The following PPP1R12B variants were observed in gnomAD, a reference collection of about 807,000 sequenced individuals.
PPP1R12B encodes the protein myosin phosphatase target subunit 2.
A neutral mutation model predicts 126.1 loss-of-function variants in PPP1R12B; 76 were observed. That is an observed-to-expected ratio of 0.60 (90% confidence interval 0.50 to 0.73). The LOEUF (loss-of-function observed/expected upper bound fraction) is 0.73. Among genes scored for constraint, PPP1R12B ranks in the 30% least tolerant of loss-of-function variants. PPP1R12B has a pLI of 0.00. For missense variants in PPP1R12B, 1,052 were observed against 1,205.1 expected (o/e 0.87, Z 1.88); for synonymous variants, 356 against 434.7 (o/e 0.82, Z 2.25).
At chr1:202,402,182 C>T (rs910507103) in intron 1 of PPP1R12B, among the ~76,000 whole-genome samples, 5 of 152,164 alleles carry the variant, frequency 3.3e-5, no homozygotes, top group Non-Finnish European at 4.4e-5. Context: ...TTTACCTGTC[C>T]ATATTCTACT....
chr1:202,486,329 C>G (rs1678118893), intron 13 of PPP1R12B, among the ~76,000 whole-genome samples: 2 of 151,974 alleles, frequency 1.3e-5, no homozygotes, highest in Admixed American at 1.3e-4. Context: ...GAGACCAAAA[C>G]AATTTGAGAA....
chr1:202,535,268 G>T (rs1443504062), intron 18 of PPP1R12B, among the ~76,000 whole-genome samples: 1 of 151,712 alleles, frequency 6.6e-6, no homozygotes, highest in Non-Finnish European at 1.5e-5. Context: ...ACAGCACCAT[G>T]GTATATTGCT....
chr1:202,389,819 C>T (rs2696958), intron 1 of PPP1R12B, among the ~76,000 whole-genome samples: 69,935 of 150,300 alleles, frequency 0.47, 16,588 homozygotes, highest in Middle Eastern at 0.63. Flanking sequence ...CCCAGCTACT[C>T]GGGAGGCTGA....
At chr1:202,547,757 G>C (rs981664679) in intron 18 of PPP1R12B, among the ~76,000 whole-genome samples, 2 of 152,200 alleles carry the variant, frequency 1.3e-5, no homozygotes, top group Non-Finnish European at 2.9e-5. Context: ...AATGTGTGTA[G>C]ATTAGAAAGG....
chr1:202,359,793 G>C (rs1360412240), intron 1 of PPP1R12B, among the ~76,000 whole-genome samples: 2 of 152,112 alleles, frequency 1.3e-5, no homozygotes, highest in African/African-American at 4.8e-5. Flanking sequence ...GACAGAGTGA[G>C]ACTCTGTCTC....
chr1:202,439,130 C>G (rs939018127), intron 10 of PPP1R12B: 12 of 1,577,560 alleles, frequency 7.6e-6, no homozygotes. Context: ...GGAGGAGCAG[C>G]TCCTGTAGTT....
chr1:202,582,205 A>G lies in PPP1R12B; in HGVS notation c.*1645A>G, dbSNP rs1243093416. On this transcript the variant is annotated 3_prime_UTR_variant, in exon 24 of 24. Transcript: ENST00000608999. The stretch of plus-strand genomic sequence containing the variant: ...GAGCTGCTGTTACTCTAGTCCTTTA[A>G]GTCATTCCTCATATGGCATGCTTTT... 1 of 152,188 alleles carries G rather than the reference A, an allele frequency of 6.6e-6. No individual in the cohort carries two copies. The highest frequency in any genetic ancestry group is 1.5e-5 in the Non-Finnish European group (1 of 68,034). The allele number at this position is 152,188 out of a possible 1,614,324, so 9.4% of individuals were successfully genotyped here.
chr1:202,489,473 A>G (rs1431461385), intron 14 of PPP1R12B, among the ~76,000 whole-genome samples: 1 of 152,248 alleles, frequency 6.6e-6, no homozygotes, highest in Non-Finnish European at 1.5e-5. Context: ...ATGTCTATTA[A>G]CTAATGAATG....
At chr1:202,513,332 T>C (rs777527556) in intron 18 of PPP1R12B, among the ~76,000 whole-genome samples, 25 of 152,270 alleles carry the variant, frequency 1.6e-4, no homozygotes, top group Non-Finnish European at 2.9e-4. Context: ...CTTCTGTGAA[T>C]AGAGAACAAT....
rs1161764118 is a variant in PPP1R12B at position 202,534,740 on chromosome 1, C to T, written c.2491-24137C>T. On this transcript the variant is annotated intron_variant, in intron 18 of 23. Coordinates refer to ENST00000608999, the MANE Select transcript of PPP1R12B (RefSeq NM_002481.4). ...GTACCCTCCTCTTATTGCCAGGGCTCTTTGCCTTCTAAGAAATAAGGAAAG... is the reference window on the plus strand; with the variant it reads ...GTACCCTCCTCTTATTGCCAGGGCTTTTTGCCTTCTAAGAAATAAGGAAAG... Among the ~76,000 whole-genome samples, 78 of 152,064 alleles carry T rather than the reference C, an allele frequency of 5.1e-4. 1 individual carries two copies. Among genetic ancestry groups the T allele is most frequent in the Admixed American group, 5.1e-3 (78 of 15,262 alleles).
At chr1:202,538,077 G>C (rs561027448) in intron 18 of PPP1R12B, among the ~76,000 whole-genome samples, 1 of 152,318 alleles carries the variant, frequency 6.6e-6, no homozygotes, top group South Asian at 2.1e-4. Context: ...CGCAACCTCT[G>C]CCTCACTGTT....
intron 1 of PPP1R12B, among the ~76,000 whole-genome samples, chr1:202,373,139 T>G (rs1660588835): frequency 6.6e-6 from 1 of 152,130 alleles, no homozygotes; most frequent in Non-Finnish European, 1.5e-5. Context: ...TTTCACCATG[T>G]TGGCCAGGCT....
intron 12 of PPP1R12B, among the ~76,000 whole-genome samples, chr1:202,446,256 A>ATTTTTTTTTTT (rs71142531): frequency 3.7e-5 from 2 of 54,340 alleles, no homozygotes; most frequent in African/African-American, 1.4e-4. Flanking sequence ...ATATATATAT[A>ATTTTTTTTTTT]TTTTTTTTTT....
intron 9 of PPP1R12B, among the ~76,000 whole-genome samples, chr1:202,436,785 ATGT>A (rs1179043860): frequency 1.3e-5 from 2 of 152,128 alleles, no homozygotes; most frequent in Non-Finnish European, 2.9e-5. Flanking sequence ...ATCTTTCAGA[ATGT>A]TGTTTTCTTT....
intron 1 of PPP1R12B, among the ~76,000 whole-genome samples, chr1:202,393,048 G>T (rs1280660624): frequency 2.0e-5 from 3 of 151,928 alleles, no homozygotes; most frequent in African/African-American, 7.3e-5. Context: ...TGGGTTAAAG[G>T]GATTCTCGTG....
chr1:202,363,463 T>A (rs1658578619), intron 1 of PPP1R12B, among the ~76,000 whole-genome samples: 1 of 152,216 alleles, frequency 6.6e-6, no homozygotes, highest in African/African-American at 2.4e-5. Flanking sequence ...CCTTCTCTAA[T>A]AAGGATAAAC....
chr1:202,580,890 G>T lies in PPP1R12B; in HGVS notation c.*330G>T. On this transcript the variant is annotated 3_prime_UTR_variant, in exon 24 of 24. Transcript: ENST00000608999. ...GCTGCTCAGCTACTTTGTCCACATT[G>T]GATTTGGTCCAAACATGTAAGACTT... 3.7e-6 allele frequency: 1 copy of T among 268,614 alleles called. No individual in the cohort carries two copies. Among genetic ancestry groups the T allele is most frequent in the Middle Eastern group, 1.3e-3 (1 of 760 alleles). The allele number at this position is 268,614 out of a possible 1,614,324, so 16.6% of individuals were successfully genotyped here. A position where few individuals can be genotyped will look rare whatever the true frequency, so the allele number is the denominator to read the frequency against.
chr1:202,441,471 G>A (rs569240509), intron 11 of PPP1R12B, among the ~76,000 whole-genome samples: 95 of 152,118 alleles, frequency 6.2e-4, no homozygotes, highest in African/African-American at 2.1e-3. Context: ...CTGGGTGCAT[G>A]TTAGGACTCC....
intron 1 of PPP1R12B, among the ~76,000 whole-genome samples, chr1:202,363,781 G>A (rs149099896): frequency 3.9e-5 from 6 of 152,288 alleles, no homozygotes; most frequent in African/African-American, 1.4e-4. Context: ...TTTATTTAGA[G>A]ACAGAGTCTC....
Sources: gnomAD v4.1 joint callset for allele counts (sites outside exome capture counted in the v4.1 genomes callset) on GRCh38, gnomAD v4.1.1 for gene constraint, MANE v1.5 for transcripts, NCBI Gene and HGNC (gene_info 2026-07-23, HGNC 2026-07-21) for gene names.